The following PIWIL1 variants were observed in gnomAD, a reference collection of about 807,000 sequenced individuals.
The protein encoded by PIWIL1 is piwi-like protein 1.
Under a neutral mutation model 114.4 loss-of-function variants are expected in PIWIL1, and 73 were observed. That is an observed-to-expected ratio of 0.64 (90% CI 0.53 to 0.78). PIWIL1 has a LOEUF of 0.78. PIWIL1 is among the 30% of genes least tolerant of loss of function. PIWIL1 has a pLI of 0.00. For synonymous variants in PIWIL1, 375 were observed against 369.0 expected (o/e 1.02, Z -0.19); for missense variants, 723 against 1,063.1 (o/e 0.68, Z 4.45).
the PIWIL1 span, chr12:130,399,038 C>A: frequency 1.3e-4 from 87 of 685,628 alleles, no homozygotes; most frequent in Middle Eastern, 2.2e-3. Context: ...CACAATGAAG[C>A]CTTAAGTCTA....
the PIWIL1 span, among the ~76,000 whole-genome samples, chr12:130,400,037 G>T: frequency 0.056 from 8,578 of 152,250 alleles, 282 homozygotes; most frequent in Middle Eastern, 0.15. Flanking sequence ...CCTGTTCAGT[G>T]AGGAGCTGAG....
At chr12:130,407,728 C>T in the PIWIL1 span, 2,483 of 1,612,764 alleles carry the variant, frequency 1.5e-3, 7 homozygotes, top group Middle Eastern at 0.01. Context: ...GCTGGTACCT[C>T]GACATCGACG....
chr12:130,421,689 A>ATG, the PIWIL1 span, among the ~76,000 whole-genome samples: 12 of 106,952 alleles, frequency 1.1e-4, no homozygotes, highest in African/African-American at 3.1e-4. Flanking sequence ...CCCTGCATTT[A>ATG]TATGTGTGTG....
intron 9 of PIWIL1, 127 bp from the exon 10 acceptor site, chr12:130,354,410 G>A (rs1476699734): frequency 8.3e-7 from 1 of 1,199,062 alleles, no homozygotes; most frequent in Non-Finnish European, 1.2e-6. Context: ...ACTTTACTCT[G>A]AAGCTATTAT....
chr12:130,343,536 A>G (rs1360979494), intron 3 of PIWIL1, among the ~76,000 whole-genome samples: 1 of 152,108 alleles, frequency 6.6e-6, no homozygotes, highest in African/African-American at 2.4e-5. Flanking sequence ...AGAAATTAAT[A>G]TAAGTTTAAC....
chr12:130,369,055 A>AC (rs1014882419), intron 19 of PIWIL1, among the ~76,000 whole-genome samples: 1 of 150,814 alleles, frequency 6.6e-6, no homozygotes, highest in East Asian at 1.9e-4. Flanking sequence ...CCTCCTCCTT[A>AC]CCCCCCAACA....
At chr12:130,403,933 A>G in the PIWIL1 span, among the ~76,000 whole-genome samples, 1 of 152,214 alleles carries the variant, frequency 6.6e-6, no homozygotes, top group Non-Finnish European at 1.5e-5. Flanking sequence ...TCTCCGTATT[A>G]TAAAGACCAT....
rs1233280696 is a variant in PIWIL1, at chr12:130,338,049, G to GGTCGGC, written c.-108_-103dup. 1 of 181,020 alleles carries GGTCGGC rather than the reference G, an allele frequency of 5.5e-6. No homozygotes were observed. Among genetic ancestry groups the GGTCGGC allele is most frequent in the African/African-American group, 2.4e-5 (1 of 41,614 alleles). The allele number at this position is 181,020 out of a possible 1,614,324, so 11.2% of individuals were successfully genotyped here. On this transcript the variant is annotated 5_prime_UTR_variant, in exon 1 of 21. Transcript: ENST00000245255. ...GCGCGGGCCGAAGGAGGTCCTGGGA[G>GGTCGGC]GTCGGCGGCGCGGAGGGATCTCCGC...
intron 16 of PIWIL1, 70 bp from the exon 17 acceptor site, chr12:130,362,696 A>T: frequency 7.7e-7 from 1 of 1,300,028 alleles, no homozygotes; most frequent in Non-Finnish European, 1.1e-6. Context: ...AAATAAATAT[A>T]GAATAATTCA....
At chr12:130,354,479 A>C in intron 9 of PIWIL1, 58 bp from the exon 10 acceptor site, 1 of 1,606,858 alleles carries the variant, frequency 6.2e-7, no homozygotes, top group African/African-American at 1.3e-5. Flanking sequence ...CTTTTTGCCC[A>C]CTGAGATGCT....
intron 7 of PIWIL1, among the ~76,000 whole-genome samples, chr12:130,348,934 G>T (rs1376351363): frequency 1.3e-5 from 2 of 152,080 alleles, no homozygotes; most frequent in Non-Finnish European, 2.9e-5. Context: ...AGCCCAACAG[G>T]TTTAAGTTTA....
intron 18 of PIWIL1, 113 bp downstream of exon 18, chr12:130,363,257 T>C: frequency 1.8e-6 from 2 of 1,093,912 alleles, no homozygotes; most frequent in Admixed American, 2.1e-5. Context: ...ATAGGGACTG[T>C]AGGGCCTTTG....
chr12:130,402,377 A>T, the PIWIL1 span, among the ~76,000 whole-genome samples: 1 of 152,060 alleles, frequency 6.6e-6, no homozygotes, highest in African/African-American at 2.4e-5. Context: ...TGTCCCTCTG[A>T]CTGGCAGTCA....
chr12:130,341,310 A>G (rs4759454), intron 1 of PIWIL1, among the ~76,000 whole-genome samples: 76,758 of 152,110 alleles, frequency 0.5, 20,270 homozygotes, highest in Middle Eastern at 0.61. Flanking sequence ...CGTTTGTGTG[A>G]AAGACTGGTA....
intron 18 of PIWIL1, among the ~76,000 whole-genome samples, chr12:130,365,746 A>C (rs2073638189): frequency 6.6e-6 from 1 of 152,174 alleles, no homozygotes; most frequent in Non-Finnish European, 1.5e-5. Flanking sequence ...CGTTCCTAAG[A>C]CTGATACTTG....
the PIWIL1 span, chr12:130,412,878 A>C: frequency 7.1e-5 from 84 of 1,179,074 alleles, no homozygotes; most frequent in Non-Finnish European, 9.3e-5. Context: ...TGTAGTCGAA[A>C]ATATATTTTA....
At position 130,342,983 on chromosome 12, in the gene PIWIL1, A is replaced by G. The variant is rs751911148; in HGVS notation, c.79-7A>G. On this transcript the variant is annotated splice_polypyrimidine_tract_variant and splice_region_variant and intron_variant, in intron 2 of 20. Transcript: ENST00000245255. ...AAAGAATGTTCTTTATTTGCATGTA[A>G]CTACAGAGTCAGCAACCTGGTTATA... 6.8e-6 allele frequency: 11 copies of G among 1,605,964 alleles called. No individual in the cohort carries two copies. Among genetic ancestry groups the G allele is most frequent in the Non-Finnish European group, 1.7e-6 (2 of 1,172,712 alleles).
the PIWIL1 span, chr12:130,412,811 T>C: frequency 5.0e-6 from 8 of 1,599,262 alleles, no homozygotes; most frequent in Non-Finnish European, 6.8e-6. Context: ...GGAAAATAAA[T>C]CAAGCACTGT....
In PIWIL1 at chr12:130,371,292, A is replaced by T; in HGVS notation, c.2438A>T (p.Tyr813Phe). 1 of 1,614,206 alleles carries T rather than the reference A, an allele frequency of 6.2e-7. No homozygotes were observed. The highest frequency in any genetic ancestry group is 8.5e-7 in the Non-Finnish European group (1 of 1,180,004). ...CCAGACCACATACAGCGCTTGACCT[A>T]CAAGCTGTGCCACATCTATTACAAC... ...LKPDHIQRLT[Y>F]KLCHIYYNWP... The change falls in exon 20 of 21, where the codon TAC (tyrosine) becomes TTC (phenylalanine). Residue 813 changes from tyrosine to phenylalanine, a missense_variant. Tyr to Phe is a conservative substitution (Grantham distance 22). Transcript: ENST00000245255.
Sources: allele counts gnomAD v4.1 joint callset (sites outside exome capture counted in the v4.1 genomes callset), GRCh38; gene constraint gnomAD v4.1.1; transcripts MANE v1.5; gene names NCBI Gene and HGNC (gene_info 2026-07-23, HGNC 2026-07-21).